Variants in DDX46 observed in about 807,000 individuals in gnomAD.
DDX46 encodes probable ATP-dependent RNA helicase DDX46.
DDX46 carries 30 observed loss-of-function variants against 134.9 expected under a neutral mutation model. That is an observed-to-expected ratio of 0.22 (90% CI 0.17 to 0.30). The LOEUF is 0.30. Ranked by LOEUF, DDX46 falls within the 10% of genes least tolerant of loss-of-function variation. The pLI, the probability that DDX46 is intolerant of heterozygous loss-of-function variation, is 1.00. For synonymous variants in DDX46, 415 were observed against 404.1 expected (o/e 1.03, Z -0.32); for missense variants, 622 against 1,248.7 (o/e 0.50, Z 7.56).
In DDX46 at chr5:134,774,781, C is replaced by T. The variant is rs537898601; in HGVS notation, c.613+920C>T. Among the ~76,000 whole-genome samples the T allele has an allele frequency of 9.9e-5, 15 of 152,236 alleles. No individual in the cohort carries two copies. The East Asian group carries it at 1.7e-3, about 18-fold the overall frequency. On this transcript the variant is annotated intron_variant, in intron 5 of 22. Transcript: ENST00000452510. ...GCACAGTCATAGTTCACTGCAGCCT[C>T]GACGTCCTGGGCTCAAGTGATTTTT... is the stretch of plus-strand genomic sequence containing the variant.
At position 134,785,448 on chromosome 5, in the gene DDX46, T is replaced by G; in HGVS notation, c.1343-17T>G. The G allele has an allele frequency of 6.2e-7, 1 of 1,609,902 alleles. No homozygotes were observed. The highest frequency in any genetic ancestry group is 1.3e-5 in the African/African-American group (1 of 74,894). ...AGAATTTTGGTGGTTAGGCTACTGA[T>G]GTATTTATCTTTCCAGCTGTCATCA... is the stretch of plus-strand genomic sequence containing the variant. On this transcript the variant is annotated splice_polypyrimidine_tract_variant and intron_variant, in intron 10 of 22. Transcript: ENST00000452510.
At chr5:134,811,121 A>T in intron 16 of DDX46, 100 bp from the exon 17 acceptor site, 1 of 1,043,944 alleles carries the variant, frequency 9.6e-7, no homozygotes, top group Non-Finnish European at 1.4e-6. Flanking sequence ...TAATGTTGTC[A>T]ATCTCGAGGA....
At position 134,771,032 on chromosome 5, in the gene DDX46, C is replaced by G. The variant is rs772377218; in HGVS notation, c.447+33C>G. ...TATTAACTTAAAAATAATTTTCTTT[C>G]TTTCTTTTTGTCTTTCTTTCTTTCT... is the stretch of plus-strand genomic sequence containing the variant. On this transcript the variant is annotated intron_variant, in intron 4 of 22. Transcript: ENST00000452510. The G allele has an allele frequency of 1.2e-5, 11 of 908,264 alleles. No individual in the cohort carries two copies. The African/African-American group carries it at 1.9e-4, about 16-fold the overall frequency. The allele number at this position is 908,264 out of a possible 1,614,324, so 56.3% of individuals were successfully genotyped here. A position where few individuals can be genotyped will look rare whatever the true frequency, so the allele number is the denominator to read the frequency against.
chr5:134,760,242 A>G (rs1056475821), intron 1 of DDX46, among the ~76,000 whole-genome samples: 2 of 152,214 alleles, frequency 1.3e-5, no homozygotes, highest in African/African-American at 4.8e-5. Flanking sequence ...AAGAAGGTCC[A>G]TTCTAGCCCG....
chr5:134,789,002 G>A (rs1367846156), intron 12 of DDX46, among the ~76,000 whole-genome samples: 3 of 152,092 alleles, frequency 2.0e-5, no homozygotes, highest in Admixed American at 6.6e-5. Flanking sequence ...AAAGAGTGGG[G>A]TAGTAGCTTT....
At chr5:134,804,803 CCTT>C (rs1754934687) in intron 15 of DDX46, 1 of 398,554 alleles carries the variant, frequency 2.5e-6, no homozygotes, top group Non-Finnish European at 4.9e-6. Context: ...TGTGCTTGTG[CCTT>C]CAACACTTTC....
chr5:134,788,236 C>CT (rs112958294), intron 11 of DDX46, among the ~76,000 whole-genome samples: 5,958 of 146,836 alleles, frequency 0.041, 256 homozygotes, highest in African/African-American at 0.11. Context: ...GAGATTATCA[C>CT]TTTTTTTTTT....
At chr5:134,826,717 C>T (rs1755601564) in intron 21 of DDX46, 1 of 419,026 alleles carries the variant, frequency 2.4e-6, no homozygotes, top group African/African-American at 2.0e-5. Context: ...GAACTCTTAA[C>T]ACATAATATG....
chr5:134,770,122 C>G (rs1327556519), intron 3 of DDX46, among the ~76,000 whole-genome samples: 1 of 151,916 alleles, frequency 6.6e-6, no homozygotes, highest in African/African-American at 2.4e-5. Flanking sequence ...GTCTCGAACT[C>G]CTGGGCTCAA....
In DDX46 at chr5:134,778,581, A is replaced by T. The variant is rs536529202; in HGVS notation, c.765+856A>T. Among the ~76,000 whole-genome samples, 99 of 151,182 alleles carry T rather than the reference A, an allele frequency of 6.5e-4. 1 individual carries two copies. The Middle Eastern group carries it at 0.01, about 16-fold the overall frequency. ...TTTGTTTCATTTTATTTATTTATTTATTTTTTTTCTGAGACAGAGTCTCGC... is the reference window on the plus strand; with the variant it reads ...TTTGTTTCATTTTATTTATTTATTTTTTTTTTTTCTGAGACAGAGTCTCGC... On this transcript the variant is annotated intron_variant, in intron 6 of 22. Transcript: ENST00000452510.
Position 134,811,661 on chromosome 5 carries a change from A to G in DDX46, c.2287-35A>G, listed in dbSNP as rs758011760. ...TGAATTCCTAAACATTAAAGTTTTT[A>G]CTATGAGATTAACTTCGTTTTCTTT... On this transcript the variant is annotated intron_variant, in intron 17 of 22. Transcript: ENST00000452510. The G allele has an allele frequency of 1.7e-5, 26 of 1,563,590 alleles. No homozygotes were observed. In the African/African-American group the frequency reaches 2.9e-4, roughly 17 times the overall value.
chr5:134,803,263 G>A (rs144737907), intron 15 of DDX46, among the ~76,000 whole-genome samples: 2,777 of 152,024 alleles, frequency 0.018, 48 homozygotes, highest in African/African-American at 0.046. Context: ...CAAAGTACTG[G>A]GATTACAGGT....
chr5:134,790,385 GT>G, intron 12 of DDX46, 84 bp from the exon 13 acceptor site: 5 of 1,258,850 alleles, frequency 4.0e-6, no homozygotes, highest in East Asian at 2.4e-5. Flanking sequence ...TTCCTTTACA[GT>G]TTTTAAAAGT....
intron 15 of DDX46, among the ~76,000 whole-genome samples, chr5:134,798,262 GCTCACTGCAACCTCTGCTTCC>G (rs1231699136): frequency 6.6e-6 from 1 of 150,682 alleles, no homozygotes; most frequent in Non-Finnish European, 1.5e-5. Flanking sequence ...GTGAATCTCA[GCTCACTGCAACCTCTGCTTCC>G]CGCCTCCTGG....
At position 134,785,539 on chromosome 5, in the gene DDX46, G is replaced by A; in HGVS notation, c.1417G>A (p.Gly473Arg). 6.2e-7 allele frequency: 1 copy of A among 1,613,790 alleles called. No homozygotes were observed. Among genetic ancestry groups the A allele is most frequent in the South Asian group, 1.1e-5 (1 of 91,048 alleles). The change falls in exon 11 of 23, where the codon GGA becomes AGA. Residue 473 changes from glycine (G) to arginine (R), a missense_variant. By Grantham distance (125) the Gly-to-Arg change is moderately radical (BLOSUM62 -2). Coordinates refer to ENST00000452510, the MANE Select transcript of DDX46 (RefSeq NM_001300860.2). Reference sequence around the variant, plus strand: ...GTGTAAGAAGTTTTCCAAGACTTTGGGACTTAGAGTGGTCTGTGTTTACGG... The same window carrying A: ...GTGTAAGAAGTTTTCCAAGACTTTGAGACTTAGAGTGGTCTGTGTTTACGG... ...KECKKFSKTL[G>R]LRVVCVYGGT...
chr5:134,793,747 A>G (rs1754575004), intron 13 of DDX46, among the ~76,000 whole-genome samples: 3 of 152,126 alleles, frequency 2.0e-5, no homozygotes, highest in Non-Finnish European at 4.4e-5. Flanking sequence ...TAACTTGGGA[A>G]TCAGATTCTC....
chr5:134,773,660 T>A, intron 4 of DDX46, 36 bp from the exon 5 acceptor site: 1 of 1,545,540 alleles, frequency 6.5e-7, no homozygotes, highest in South Asian at 1.2e-5. Context: ...TGCTTTTTAT[T>A]TTCCCCCATC....
chr5:134,781,787 A>G, intron 7 of DDX46, 134 bp from the exon 8 acceptor site: 1 of 838,832 alleles, frequency 1.2e-6, no homozygotes, highest in East Asian at 2.9e-5. Flanking sequence ...TTGTGGGTCA[A>G]ACAGTGTGTC....
intron 13 of DDX46, among the ~76,000 whole-genome samples, chr5:134,792,669 G>A (rs1057345507): frequency 6.6e-6 from 1 of 152,154 alleles, no homozygotes; most frequent in African/African-American, 2.4e-5. Flanking sequence ...TCCATTGAAA[G>A]GCAAAGTGTG....
Sources: gnomAD v4.1 joint callset for allele counts (sites outside exome capture counted in the v4.1 genomes callset) on GRCh38, gnomAD v4.1.1 for gene constraint, MANE v1.5 for transcripts, NCBI Gene and HGNC (gene_info 2026-07-23, HGNC 2026-07-21) for gene names.